The following HDAC3 variants were observed in gnomAD, a reference collection of about 807,000 sequenced individuals.
HDAC3 encodes SMAP45.
In HDAC3, 21 loss-of-function variants were observed where a neutral mutation model predicts 62.3. That is an observed-to-expected ratio of 0.34 (90% CI 0.24 to 0.49). The LOEUF is 0.49. HDAC3 is among the 20% of genes least tolerant of loss of function. The probability of loss-of-function intolerance (pLI) is 0.99; values close to 1 mark genes in which losing one functional copy is unlikely to be tolerated. For missense variants in HDAC3, 270 were observed against 556.9 expected (o/e 0.48, Z 5.19); for synonymous variants, 198 against 206.5 (o/e 0.96, Z 0.35).
In HDAC3 at chr5:141,625,182, G is replaced by A; in HGVS notation, c.1217+26C>T. ...AACCTCCCCAGCAAGCCTATTGAAAGTAGGCTGAAGTCCCTGCTCCCAGAC... is the reference window on the plus strand; with the variant it reads ...AACCTCCCCAGCAAGCCTATTGAAAATAGGCTGAAGTCCCTGCTCCCAGAC... On this transcript the variant is annotated intron_variant, in intron 14 of 14. Coordinates refer to ENST00000305264, the MANE Select transcript of HDAC3 (RefSeq NM_003883.4). This position sits in a 1 kb window ranked among gnomAD's most constrained non-coding sequence, Gnocchi z 4.0. The A allele has an allele frequency of 6.3e-7, 1 of 1,575,744 alleles. No individual in the cohort carries two copies.
In HDAC3 at chr5:141,629,123, T is replaced by A. The variant is rs754886508; in HGVS notation, c.610+50A>T. On this transcript the variant is annotated intron_variant, in intron 7 of 14. Coordinates refer to ENST00000305264, the MANE Select transcript of HDAC3 (RefSeq NM_003883.4). The surrounding 1 kb of genome is among the most constrained non-coding windows in gnomAD (Gnocchi z 5.3). ...TAGAAGGCTGAGAAGGAGGCACTCA[T>A]AGTAAAGAGCTGAAGGGTGCAAAGG... 73 of 1,598,628 alleles carry A rather than the reference T, an allele frequency of 4.6e-5. No individual in the cohort carries two copies. The highest frequency in any genetic ancestry group is 6.0e-5 in the Non-Finnish European group (70 of 1,169,534).
At chr5:141,623,079 T>C (rs2099903934) in intron 14 of HDAC3, among the ~76,000 whole-genome samples, 1 of 151,712 alleles carries the variant, frequency 6.6e-6, no homozygotes, top group Non-Finnish European at 1.5e-5. Context: ...GCTGAGATCA[T>C]GCCATTGCAC....
chr5:141,629,346 AC>A lies in HDAC3; in HGVS notation c.477-41del. On this transcript the variant is annotated intron_variant, in intron 6 of 14. Transcript: ENST00000305264. This position sits in a 1 kb window ranked among gnomAD's most constrained non-coding sequence, Gnocchi z 5.3. ...AAGCCAGGGTCTGAGCTAGAAGTGA[AC>A]CCCCCAACCCACTCCTCTCAAACAC... The A allele has an allele frequency of 6.2e-7, 1 of 1,612,102 alleles. No individual in the cohort carries two copies. Among genetic ancestry groups the A allele is most frequent in the Non-Finnish European group, 8.5e-7 (1 of 1,179,106 alleles).
At chr5:141,624,257 C>T (rs2099904124) in intron 14 of HDAC3, among the ~76,000 whole-genome samples, 1 of 150,634 alleles carries the variant, frequency 6.6e-6, no homozygotes, top group South Asian at 2.1e-4. Context: ...AATTTTAGGC[C>T]AGGCTCAGTG....
Position 141,625,674 on chromosome 5 carries a change from G to C in HDAC3, c.1059+11C>G, listed in dbSNP as rs1292189034. 2 of 1,613,582 alleles carry C rather than the reference G, an allele frequency of 1.2e-6. No individual in the cohort carries two copies. The highest frequency in any genetic ancestry group is 1.7e-6 in the Non-Finnish European group (2 of 1,179,516). On this transcript the variant is annotated intron_variant, in intron 13 of 14. Coordinates refer to ENST00000305264, the MANE Select transcript of HDAC3 (RefSeq NM_003883.4). This position sits in a 1 kb window ranked among gnomAD's most constrained non-coding sequence, Gnocchi z 4.0. ...GGAGAAGTTTGTGCTCAGCTTTTCT[G>C]AGCTGCTGACCTGGCGTGAGTTCTG...
rs917283837 is a variant in HDAC3, at chr5:141,635,060, G to C, written c.139-107C>G. Reference sequence around the variant, plus strand: ...TGGAGACTATATGAAGCCAAACATAGCATTCCCCTCATCCCACAATCCTTA... The same window carrying C: ...TGGAGACTATATGAAGCCAAACATACCATTCCCCTCATCCCACAATCCTTA... On this transcript the variant is annotated intron_variant, in intron 2 of 14. Transcript: ENST00000305264. 3.7e-6 allele frequency: 4 copies of C among 1,088,174 alleles called. No homozygotes were observed. In the Admixed American group the frequency reaches 7.1e-5, roughly 19 times the overall value. 67.4% of individuals were successfully genotyped at this position (1,088,174 alleles called of 1,614,324 possible).
rs1482857288 is a variant in HDAC3, at chr5:141,634,709, A to T, written c.281+102T>A. The T allele has an allele frequency of 2.7e-6, 3 of 1,112,216 alleles. No individual in the cohort carries two copies. In the African/African-American group the frequency reaches 4.7e-5, roughly 18 times the overall value. 68.9% of individuals were successfully genotyped at this position (1,112,216 alleles called of 1,614,324 possible). A position where few individuals can be genotyped will look rare whatever the true frequency, so the allele number is the denominator to read the frequency against. On this transcript the variant is annotated intron_variant, in intron 3 of 14. Coordinates refer to ENST00000305264, the MANE Select transcript of HDAC3 (RefSeq NM_003883.4). ...AAATAAAATGAATTATGATGCATTG[A>T]CAAGTAGGCCCCCCTTGAGATCTTC...
chr5:141,636,547 C>A lies in HDAC3; in HGVS notation c.138+1G>T. On this transcript the variant is annotated splice_donor_variant, in intron 2 of 14. Transcript: ENST00000305264. LOFTEE classifies it high-confidence loss of function. ...CCCCCGGCCGAGGCGGCGGAACTCA[C>A]GATCATCTTCTTATAGAGACCGTAA... 6.2e-7 allele frequency: 1 copy of A among 1,613,762 alleles called. No homozygotes were observed. The highest frequency in any genetic ancestry group is 8.5e-7 in the Non-Finnish European group (1 of 1,179,778).
In HDAC3 at chr5:141,633,628, C is replaced by T. The variant is rs181750650; in HGVS notation, c.281+1183G>A. ...ATCACCTGAGGTCAGGAGTTCAAAA[C>T]CAGCCTGACCAACATAGTGAAACCC... is the stretch of plus-strand genomic sequence containing the variant. On this transcript the variant is annotated intron_variant, in intron 3 of 14. Coordinates refer to ENST00000305264, the MANE Select transcript of HDAC3 (RefSeq NM_003883.4). Among the ~76,000 whole-genome samples the T allele has an allele frequency of 1.1e-3, 169 of 152,022 alleles. 1 individual carries two copies. Among genetic ancestry groups the T allele is most frequent in the African/African-American group, 3.7e-3 (152 of 41,448 alleles).
chr5:141,628,644 A>AG lies in HDAC3; in HGVS notation c.611-6dup, dbSNP rs1191452116. Reference sequence around the variant, plus strand: ...CCCCGACTTCATACATGTCACCTGTAGGGAAGTGGGTGGTGGTAGCCACAC... The same window carrying AG: ...CCCCGACTTCATACATGTCACCTGTAGGGGAAGTGGGTGGTGGTAGCCACAC... On this transcript the variant is annotated splice_region_variant and splice_polypyrimidine_tract_variant and intron_variant, in intron 7 of 14. Coordinates refer to ENST00000305264, the MANE Select transcript of HDAC3 (RefSeq NM_003883.4). The surrounding 1 kb of genome is among the most constrained non-coding windows in gnomAD (Gnocchi z 4.7). 4 of 1,612,968 alleles carry AG rather than the reference A, an allele frequency of 2.5e-6. No homozygotes were observed. The highest frequency in any genetic ancestry group is 3.4e-6 in the Non-Finnish European group (4 of 1,179,274).
At chr5:141,633,102 T>C (rs548279295) in intron 3 of HDAC3, among the ~76,000 whole-genome samples, 1 of 152,344 alleles carries the variant, frequency 6.6e-6, no homozygotes, top group Non-Finnish European at 1.5e-5. Flanking sequence ...ATTAAGTGGA[T>C]TTACCAGCAA....
In HDAC3 at chr5:141,634,909, G is replaced by C; in HGVS notation, c.183C>G (p.Phe61Leu). ...GGAAGTCAATGTAGTCCTCGGAGTG[G>C]AAGCGGCACATGTCATGTTGGGAGG... is the stretch of plus-strand genomic sequence containing the variant. ...YQASQHDMCRFHSEDYIDFLQ... is the reference protein window; with the variant it reads ...YQASQHDMCRLHSEDYIDFLQ... The change falls in exon 3 of 15, where the codon TTC (phenylalanine) becomes TTG (leucine). Residue 61 changes from phenylalanine (F) to leucine (L), a missense_variant. Phe to Leu is a conservative substitution (Grantham distance 22). Coordinates refer to ENST00000305264, the MANE Select transcript of HDAC3 (RefSeq NM_003883.4). 1 of 1,614,128 alleles carries C rather than the reference G, an allele frequency of 6.2e-7. No individual in the cohort carries two copies. The highest frequency in any genetic ancestry group is 8.5e-7 in the Non-Finnish European group (1 of 1,180,016).
chr5:141,630,817 T>A (rs1348653394), intron 3 of HDAC3, among the ~76,000 whole-genome samples: 1 of 151,950 alleles, frequency 6.6e-6, no homozygotes. Flanking sequence ...GTGACCTTTG[T>A]TGGGTAGTGG....
chr5:141,627,988 G>A lies in HDAC3; in HGVS notation c.766-31C>T, dbSNP rs776577421. 4.5e-5 allele frequency: 73 copies of A among 1,612,486 alleles called. 1 individual carries two copies. In the Admixed American group the frequency reaches 1.2e-3, roughly 27 times the overall value. ...AAAAGCAAAACCCCAGGAAAGTGCAGTGATCAGAACTGATCAGAACATCAC... is the reference window on the plus strand; with the variant it reads ...AAAAGCAAAACCCCAGGAAAGTGCAATGATCAGAACTGATCAGAACATCAC... On this transcript the variant is annotated intron_variant, in intron 9 of 14. Coordinates refer to ENST00000305264, the MANE Select transcript of HDAC3 (RefSeq NM_003883.4).
At chr5:141,621,826 TATA>T (rs754196352) in intron 14 of HDAC3, among the ~76,000 whole-genome samples, 4 of 152,112 alleles carry the variant, frequency 2.6e-5, no homozygotes, top group Non-Finnish European at 4.4e-5. Flanking sequence ...AGTAAATAAA[TATA>T]ATAATTTCAG....
At chr5:141,623,798 C>T (rs540984370) in intron 14 of HDAC3, among the ~76,000 whole-genome samples, 142 of 152,218 alleles carry the variant, frequency 9.3e-4, no homozygotes, top group African/African-American at 3.3e-3. Context: ...CGGCTCAAAC[C>T]TCTAACCCTG....
Position 141,628,242 on chromosome 5 carries a change from G to T in HDAC3, c.692-55C>A. Reference sequence around the variant, plus strand: ...CACCCCAAGGGGATGGGGAGACAGGGAACAAAAGGAAAAAGGGGGTTGAGC... The same window carrying T: ...CACCCCAAGGGGATGGGGAGACAGGTAACAAAAGGAAAAAGGGGGTTGAGC... On this transcript the variant is annotated intron_variant, in intron 8 of 14. Coordinates refer to ENST00000305264, the MANE Select transcript of HDAC3 (RefSeq NM_003883.4). The surrounding 1 kb of genome is among the most constrained non-coding windows in gnomAD (Gnocchi z 4.7). The T allele has an allele frequency of 6.8e-7, 1 of 1,461,776 alleles. No individual in the cohort carries two copies. The highest frequency in any genetic ancestry group is 1.1e-5 in the South Asian group (1 of 87,538). The allele number at this position is 1,461,776 out of a possible 1,614,324, so 90.6% of individuals were successfully genotyped here.
chr5:141,634,662 A>C, intron 3 of HDAC3, 149 bp downstream of exon 3: 1 of 867,480 alleles, frequency 1.2e-6, no homozygotes, highest in Non-Finnish European at 1.8e-6. Flanking sequence ...ACAAGTGACC[A>C]ATAAATATTT....
intron 3 of HDAC3, among the ~76,000 whole-genome samples, chr5:141,631,616 C>T (rs1358292775): frequency 1.3e-5 from 2 of 152,130 alleles, no homozygotes; most frequent in East Asian, 3.8e-4. Context: ...CTAAAATTGA[C>T]AGACGAAGAA....
Sources: allele counts gnomAD v4.1 joint callset (sites outside exome capture counted in the v4.1 genomes callset), GRCh38; gene constraint gnomAD v4.1.1; non-coding constraint Gnocchi (gnomAD v3.1); transcripts MANE v1.5; gene names NCBI Gene and HGNC (gene_info 2026-07-23, HGNC 2026-07-21).